NR2C2: variants seen among roughly 807,000 people sequenced by gnomAD.
NR2C2 encodes the protein nuclear receptor subfamily 2 group C member 2, also known as Nuclear hormone receptor TR4.
NR2C2 carries 6 observed loss-of-function variants against 62.9 expected under a neutral mutation model. That is an observed-to-expected ratio of 0.10 (90% CI 0.05 to 0.19). NR2C2 has a LOEUF of 0.19. Among genes scored for constraint, NR2C2 ranks in the 10% least tolerant of loss-of-function variants. The pLI is 1.00. For synonymous variants in NR2C2, 272 were observed against 273.8 expected, an observed-to-expected ratio of 0.99 and a Z score of 0.07; for missense variants, 479 against 762.7, an observed-to-expected ratio of 0.63 and a Z score of 4.38.
intron 2 of NR2C2, among the ~76,000 whole-genome samples, chr3:15,009,873 C>T (rs537884204): frequency 6.6e-6 from 1 of 152,170 alleles, no homozygotes; most frequent in Non-Finnish European, 1.5e-5. Flanking sequence ...TGGTGGGTGC[C>T]AGCAGTCCTT....
chr3:14,948,287 T>C (rs945747000), intron 1 of NR2C2: 1 of 152,486 alleles, frequency 6.6e-6, no homozygotes, highest in African/African-American at 2.4e-5. Flanking sequence ...AGTCCCTTCT[T>C]CCTTCTCTGC....
chr3:14,963,875 G>T (rs951209733), intron 1 of NR2C2, among the ~76,000 whole-genome samples: 1 of 151,974 alleles, frequency 6.6e-6, no homozygotes, highest in Non-Finnish European at 1.5e-5. Flanking sequence ...CAGATTTTTA[G>T]ATCAACCATT....
At chr3:15,011,160 TC>T (rs2041341623) in intron 2 of NR2C2, among the ~76,000 whole-genome samples, 1 of 152,008 alleles carries the variant, frequency 6.6e-6, no homozygotes. Context: ...AAAATGATAC[TC>T]CATCTCCACA....
At chr3:15,042,622 CACA>C in intron 13 of NR2C2, 1 of 470,794 alleles carries the variant, frequency 2.1e-6, no homozygotes, top group Non-Finnish European at 3.8e-6. Context: ...GTGAAGGGAA[CACA>C]TCTGTACATA....
intron 1 of NR2C2, among the ~76,000 whole-genome samples, chr3:14,994,866 G>A (rs2040780101): frequency 1.4e-5 from 2 of 147,936 alleles, no homozygotes; most frequent in Admixed American, 1.4e-4. Context: ...AGTGAGCTAT[G>A]ATTGTGCCAC....
intron 2 of NR2C2, among the ~76,000 whole-genome samples, chr3:15,010,306 C>T (rs966338299): frequency 6.7e-6 from 1 of 149,248 alleles, no homozygotes; most frequent in African/African-American, 2.5e-5. Flanking sequence ...TTTTCATGGG[C>T]GTGATCTCTC....
chr3:14,949,485 G>A (rs189420839), intron 1 of NR2C2, among the ~76,000 whole-genome samples: 1 of 152,212 alleles, frequency 6.6e-6, no homozygotes, highest in Non-Finnish European at 1.5e-5. Context: ...GCCAAAGGCT[G>A]TGAAATATAG....
Position 15,020,825 on chromosome 3 carries a change from C to T in NR2C2, c.449C>T (p.Thr150Ile). The stretch of plus-strand genomic sequence containing the variant: ...AAAAGGAGTGTGAGGAAAAATTTGA[C>T]CTACAGCTGCCGGAGCAACCAAGAC... ...FFKRSVRKNL[T>I]YSCRSNQDCI... Residue 150 changes from threonine (T) to isoleucine (I), a missense_variant, in exon 5 of 14, where the codon ACC (threonine) becomes ATC (isoleucine). This residue lies in a region of NR2C2 where 51 missense variants were observed against 137.5 expected (regional missense o/e 0.37). Transcript: ENST00000425241. The T allele has an allele frequency of 6.2e-7, 1 of 1,614,156 alleles. No homozygotes were observed. The highest frequency in any genetic ancestry group is 8.5e-7 in the Non-Finnish European group (1 of 1,180,030).
chr3:15,030,474 A>G (rs765901266), intron 9 of NR2C2, 22 bp downstream of exon 9: 5 of 1,550,110 alleles, frequency 3.2e-6, no homozygotes, highest in East Asian at 2.3e-5. Context: ...CAGCCTAACC[A>G]TGTGCCCCCA....
At position 15,045,926 on chromosome 3, in the gene NR2C2, C is replaced by T. The variant is rs1459232257; in HGVS notation, c.*2918C>T. The T allele has an allele frequency of 6.6e-6, 1 of 152,088 alleles. No homozygotes were observed. Among genetic ancestry groups the T allele is most frequent in the Admixed American group, 6.6e-5 (1 of 15,256 alleles). 9.4% of individuals were successfully genotyped at this position (152,088 alleles called of 1,614,324 possible). Reference sequence around the variant, plus strand: ...CACATGCTGTCATCAGTTAAGTGAGCTCTTTTCCAGAAGTATCTCAGATAA... The same window carrying T: ...CACATGCTGTCATCAGTTAAGTGAGTTCTTTTCCAGAAGTATCTCAGATAA... On this transcript the variant is annotated 3_prime_UTR_variant, in exon 14 of 14. Coordinates refer to ENST00000425241, the MANE Select transcript of NR2C2 (RefSeq NM_001291694.2).
At chr3:15,028,248 A>G (rs1329321977) in intron 7 of NR2C2, among the ~76,000 whole-genome samples, 3 of 152,238 alleles carry the variant, frequency 2.0e-5, no homozygotes, top group African/African-American at 4.8e-5. Flanking sequence ...ATTATCAGAC[A>G]TGATTCGCAA....
intron 2 of NR2C2, among the ~76,000 whole-genome samples, chr3:15,011,744 G>T (rs934628633): frequency 4.6e-5 from 7 of 152,160 alleles, no homozygotes; most frequent in Admixed American, 3.9e-4. Flanking sequence ...ATCCTATTCT[G>T]CTGCCTCTCT....
At chr3:14,975,077 T>C (rs2040165584) in intron 1 of NR2C2, among the ~76,000 whole-genome samples, 2 of 152,258 alleles carry the variant, frequency 1.3e-5, no homozygotes, top group South Asian at 4.1e-4. Flanking sequence ...CTGATTCTTA[T>C]TTCTAATAAC....
chr3:14,981,020 C>T (rs1260352422), intron 1 of NR2C2, among the ~76,000 whole-genome samples: 1 of 152,230 alleles, frequency 6.6e-6, no homozygotes, highest in South Asian at 2.1e-4. Context: ...TCTACTGTTA[C>T]ACTGGCATCA....
At chr3:15,029,827 A>AGATAGAT (rs2041925363) in intron 8 of NR2C2, among the ~76,000 whole-genome samples, 1 of 126,848 alleles carries the variant, frequency 7.9e-6, no homozygotes, top group Non-Finnish European at 1.7e-5. Flanking sequence ...ATAGATAGAT[A>AGATAGAT]GATAGATAGA....
intron 6 of NR2C2, 74 bp from the exon 7 acceptor site, chr3:15,024,041 C>G (rs941864080): frequency 9.8e-6 from 10 of 1,015,640 alleles, no homozygotes; most frequent in Non-Finnish European, 1.5e-5. Context: ...TGTGGAAGGA[C>G]AGGTAAATGC....
At chr3:14,970,135 C>T (rs941493397) in intron 1 of NR2C2, among the ~76,000 whole-genome samples, 17 of 152,044 alleles carry the variant, frequency 1.1e-4, no homozygotes, top group African/African-American at 4.1e-4. Flanking sequence ...ACCACTCTTA[C>T]CCTTTATCAC....
intron 1 of NR2C2, among the ~76,000 whole-genome samples, chr3:14,990,584 G>A (rs968786031): frequency 2.6e-5 from 4 of 152,184 alleles, no homozygotes; most frequent in Non-Finnish European, 4.4e-5. Flanking sequence ...AAATGCCTGT[G>A]AGTTCCCTCA....
At chr3:14,958,805 G>T (rs928367998) in intron 1 of NR2C2, among the ~76,000 whole-genome samples, 1 of 152,008 alleles carries the variant, frequency 6.6e-6, no homozygotes, top group Non-Finnish European at 1.5e-5. Context: ...GTGAAACCCC[G>T]TCTCTACTAA....
Sources: allele counts gnomAD v4.1 joint callset (sites outside exome capture counted in the v4.1 genomes callset), GRCh38; gene constraint gnomAD v4.1.1; regional missense constraint gnomAD v4.1.1; transcripts MANE v1.5; gene names NCBI Gene and HGNC (gene_info 2026-07-23, HGNC 2026-07-21).